OR4N2: variants seen among roughly 807,000 people sequenced by gnomAD.
The protein encoded by OR4N2 is olfactory receptor family 4 subfamily N member 2.
For missense variants in OR4N2, 307 were observed against 377.6 expected, an observed-to-expected ratio of 0.81 and a Z score of 1.55; for synonymous variants, 141 against 140.4, an observed-to-expected ratio of 1.00 and a Z score of -0.03.
chr14:19,819,551 C>A (rs574206666), intron 1 of OR4N2, among the ~76,000 whole-genome samples: 1 of 152,346 alleles, frequency 6.6e-6, no homozygotes, highest in East Asian at 1.9e-4. Context: ...TATTTATGTT[C>A]TTTTCTAAAG....
rs1252135279 is a variant in OR4N2 at position 19,825,833 on chromosome 14, C to T, written c.-9-1607C>T. Among the ~76,000 whole-genome samples the T allele has an allele frequency of 6.6e-5, 10 of 152,330 alleles. No homozygotes were observed. The East Asian group carries it at 1.3e-3, about 21-fold the overall frequency. On this transcript the variant is annotated intron_variant, in intron 1 of 1. Transcript: ENST00000557677. ...TAGGCCTCCCAAAGTGCTGGGATTACAGGCATGAGTCATCGTGCCCGGCCG... is the reference window on the plus strand; with the variant it reads ...TAGGCCTCCCAAAGTGCTGGGATTATAGGCATGAGTCATCGTGCCCGGCCG...
At chr14:19,815,240 T>A (rs532197324) in intron 1 of OR4N2, among the ~76,000 whole-genome samples, 7 of 152,394 alleles carry the variant, frequency 4.6e-5, no homozygotes, top group Non-Finnish European at 8.8e-5. Flanking sequence ...CCTTGAGGAA[T>A]CGCTACACTG....
intron 1 of OR4N2, among the ~76,000 whole-genome samples, chr14:19,807,057 G>A (rs1879181222): frequency 6.6e-6 from 1 of 151,700 alleles, no homozygotes; most frequent in East Asian, 1.9e-4. Context: ...AGCTAAAGCA[G>A]GAAATAAATA....
chr14:19,812,885 A>T (rs1171222764), intron 1 of OR4N2, among the ~76,000 whole-genome samples: 1 of 152,252 alleles, frequency 6.6e-6, no homozygotes. Flanking sequence ...TGTTGGATAA[A>T]AACAATATTA....
In OR4N2 at chr14:19,808,094, A is replaced by G. The variant is rs1399122408; in HGVS notation, c.-10+4250A>G. Among the ~76,000 whole-genome samples, 3 of 152,300 alleles carry G rather than the reference A, an allele frequency of 2.0e-5. No individual in the cohort carries two copies. In the East Asian group the frequency reaches 5.8e-4, roughly 29 times the overall value. ...TTGAAGGAATACACCTCAAAATAAT[A>G]ACAGCCATCTATGACAGACCCACAG... On this transcript the variant is annotated intron_variant, in intron 1 of 1. Coordinates refer to ENST00000557677, the MANE Select transcript of OR4N2 (RefSeq NM_001004723.3).
At chr14:19,826,264 T>C (rs1879696617) in intron 1 of OR4N2, among the ~76,000 whole-genome samples, 1 of 152,264 alleles carries the variant, frequency 6.6e-6, no homozygotes, top group East Asian at 1.9e-4. Flanking sequence ...GCACATTGTT[T>C]TTCTTTTTAT....
At chr14:19,819,600 G>C (rs1445283965) in intron 1 of OR4N2, among the ~76,000 whole-genome samples, 2 of 152,174 alleles carry the variant, frequency 1.3e-5, no homozygotes, top group Non-Finnish European at 2.9e-5. Flanking sequence ...CCTTTTTCAA[G>C]GTTCTTAGCT....
At chr14:19,806,380 A>T (rs1445194630) in intron 1 of OR4N2, among the ~76,000 whole-genome samples, 1 of 152,192 alleles carries the variant, frequency 6.6e-6, no homozygotes, top group Admixed American at 6.5e-5. Context: ...ATGCAGAAAG[A>T]TTTGTCATGT....
chr14:19,816,755 G>A (rs1404905926), intron 1 of OR4N2, among the ~76,000 whole-genome samples: 1 of 152,260 alleles, frequency 6.6e-6, no homozygotes, highest in Non-Finnish European at 1.5e-5. Context: ...GTGAGAAAGG[G>A]CATCCTTGTC....
chr14:19,828,340 A>G lies in OR4N2; in HGVS notation c.892A>G (p.Met298Val), dbSNP rs750447313. The G allele has an allele frequency of 2.2e-5, 36 of 1,613,666 alleles. No individual in the cohort carries two copies. The Admixed American group carries it at 5.7e-4, about 25-fold the overall frequency. The stretch of plus-strand genomic sequence containing the variant: ...TCGCAACCAGGAAGTGAAAGCTTCC[A>G]TGAAAAAGGTGTTTAATAAGCACAT... ...TLRNQEVKAS[M>V]KKVFNKHIA The change falls in exon 2 of 2, where the codon ATG (methionine) becomes GTG (valine). Residue 298 changes from methionine (M) to valine (V), a missense_variant. Transcript: ENST00000557677.
At chr14:19,826,389 T>A (rs560371525) in intron 1 of OR4N2, among the ~76,000 whole-genome samples, 2 of 152,270 alleles carry the variant, frequency 1.3e-5, no homozygotes, top group Non-Finnish European at 2.9e-5. Flanking sequence ...AAGCTGTGAT[T>A]AAAAAATTCT....
At chr14:19,825,624 C>T (rs1353166142) in intron 1 of OR4N2, among the ~76,000 whole-genome samples, 10 of 152,200 alleles carry the variant, frequency 6.6e-5, no homozygotes, top group African/African-American at 1.9e-4. Context: ...GGCGCGATCT[C>T]GGCTCACTGA....
chr14:19,816,515 G>C (rs1470403664), intron 1 of OR4N2, among the ~76,000 whole-genome samples: 1 of 152,208 alleles, frequency 6.6e-6, no homozygotes, highest in Admixed American at 6.5e-5. Flanking sequence ...TGGTGTATAG[G>C]AATGTTTGTA....
chr14:19,819,392 T>A (rs1227457918), intron 1 of OR4N2, among the ~76,000 whole-genome samples: 1 of 152,244 alleles, frequency 6.6e-6, no homozygotes, highest in Non-Finnish European at 1.5e-5. Context: ...TCCTTTTCAA[T>A]CTTTTTTCTC....
At chr14:19,816,180 AG>A (rs1355956537) in intron 1 of OR4N2, among the ~76,000 whole-genome samples, 4 of 131,686 alleles carry the variant, frequency 3.0e-5, no homozygotes, top group African/African-American at 1.1e-4. Flanking sequence ...TTGGCTATAC[AG>A]GCTCTTTTTT....
At chr14:19,813,338 T>C (rs988015595) in intron 1 of OR4N2, among the ~76,000 whole-genome samples, 2 of 152,280 alleles carry the variant, frequency 1.3e-5, no homozygotes, top group African/African-American at 4.8e-5. Context: ...TGGAATGCCA[T>C]GCGAGCTGTC....
intron 1 of OR4N2, among the ~76,000 whole-genome samples, chr14:19,824,823 A>G (rs1322950875): frequency 6.6e-6 from 1 of 152,278 alleles, no homozygotes; most frequent in Admixed American, 6.5e-5. Context: ...CATAAAACAT[A>G]AAAATATTTG....
At chr14:19,813,640 G>A (rs1235256394) in intron 1 of OR4N2, among the ~76,000 whole-genome samples, 1 of 152,198 alleles carries the variant, frequency 6.6e-6, no homozygotes, top group Non-Finnish European at 1.5e-5. Context: ...AGCAAGAGTT[G>A]CACAATGAGT....
At chr14:19,826,730 T>A (rs2138483033) in intron 1 of OR4N2, among the ~76,000 whole-genome samples, 1 of 152,366 alleles carries the variant, frequency 6.6e-6, no homozygotes, top group African/African-American at 2.4e-5. Flanking sequence ...ACTCAAAAAG[T>A]GCTAAATAAG....
Sources: allele counts gnomAD v4.1 joint callset (sites outside exome capture counted in the v4.1 genomes callset), GRCh38; gene constraint gnomAD v4.1.1; transcripts MANE v1.5; gene names NCBI Gene and HGNC (gene_info 2026-07-23, HGNC 2026-07-21).